C8orf33: variants seen among roughly 807,000 people sequenced by gnomAD.
C8orf33 encodes chromosome 8 open reading frame 33.
C8orf33 carries 28 observed loss-of-function variants against 25.7 expected under a neutral mutation model. The observed-to-expected ratio is 1.09, with a 90% CI of 0.81 to 1.49. The LOEUF (loss-of-function observed/expected upper bound fraction) is 1.49, where lower values mean the gene tolerates loss of function less well. Among genes scored for constraint, C8orf33 ranks in the 40% most tolerant of loss-of-function variants. The pLI is 0.00. For synonymous variants in C8orf33, 153 were observed against 115.9 expected, an observed-to-expected ratio of 1.32 and a Z score of -2.06; for missense variants, 369 against 294.4, an observed-to-expected ratio of 1.25 and a Z score of -1.85.
In C8orf33 at chr8:145,054,340, C is replaced by T. The variant is rs572395414; in HGVS notation, c.*183C>T. On this transcript the variant is annotated 3_prime_UTR_variant, in exon 5 of 5. Coordinates refer to ENST00000331434, the MANE Select transcript of C8orf33 (RefSeq NM_023080.3). ...CATCAGATAGGCAAAAGACCCCGTT[C>T]GTTTTCTGATGAAATGTTCTCTCTT... The T allele has an allele frequency of 5.5e-5, 30 of 543,666 alleles. No individual in the cohort carries two copies. The highest frequency in any genetic ancestry group is 7.6e-5 in the African/African-American group (4 of 52,372). The allele number at this position is 543,666 out of a possible 1,614,324, so 33.7% of individuals were successfully genotyped here.
At position 145,052,811 on chromosome 8, in the gene C8orf33, C is replaced by T. The variant is rs149835506; in HGVS notation, c.232C>T (p.Arg78Trp). ...AAAACAAAAGAATAAGAAGAAAACG[C>T]GGAACAGGGCCTCTGTGGCAAATGG... The part of the protein sequence containing the change: ...SKKQKNKKKT[R>W]NRASVANGGE... Residue 78 changes from arginine to tryptophan, a missense_variant, in exon 2 of 5, where the codon CGG becomes TGG. Arg to Trp is a moderately radical substitution (Grantham distance 101). Transcript: ENST00000331434. 3.2e-4 allele frequency: 512 copies of T among 1,613,908 alleles called. 1 individual carries two copies. Among genetic ancestry groups the T allele is most frequent in the Non-Finnish European group, 4.1e-4 (479 of 1,180,032 alleles).
Position 145,055,506 on chromosome 8 carries a change from A to G in C8orf33, c.*1349A>G, listed in dbSNP as rs78900074. On this transcript the variant is annotated 3_prime_UTR_variant, in exon 5 of 5. Coordinates refer to ENST00000331434, the MANE Select transcript of C8orf33 (RefSeq NM_023080.3). ...AAGTGGACCATGGTCTAGCAGTAGC[A>G]TCAGTGTCAAGGAAAAACACCCACT... 105 of 169,900 alleles carry G rather than the reference A, an allele frequency of 6.2e-4. 1 individual carries two copies. The East Asian group carries it at 9.1e-3, about 15-fold the overall frequency. The allele number at this position is 169,900 out of a possible 1,614,324, so 10.5% of individuals were successfully genotyped here.
rs896556933 is a variant in C8orf33, at chr8:145,053,091, G to T, written c.348G>T (p.Trp116Cys). 2 of 1,614,070 alleles carry T rather than the reference G, an allele frequency of 1.2e-6. No homozygotes were observed. The highest frequency in any genetic ancestry group is 2.7e-5 in the African/African-American group (2 of 74,920). ...QAQQLAQELA[W>C]CVEQLELGLK... is the part of the protein sequence containing the mutation. ...AACAGTTGGCCCAGGAATTGGCTTGGTGTGTGGAGCAACTGGAGCTGGGCC... is the reference window on the plus strand; with the variant it reads ...AACAGTTGGCCCAGGAATTGGCTTGTTGTGTGGAGCAACTGGAGCTGGGCC... The change falls in exon 3 of 5, where the codon TGG (tryptophan) becomes TGT (cysteine). Residue 116 changes from tryptophan to cysteine, a missense_variant. Physicochemically the swap from Trp to Cys is radical, Grantham distance 215. Transcript: ENST00000331434.
chr8:145,054,369 G>T lies in C8orf33; in HGVS notation c.*212G>T, dbSNP rs1835326266. On this transcript the variant is annotated 3_prime_UTR_variant, in exon 5 of 5. Coordinates refer to ENST00000331434, the MANE Select transcript of C8orf33 (RefSeq NM_023080.3). ...TTCTGATGAAATGTTCTCTCTTTCA[G>T]AAGAGAGAGAGAGGTGCATTTAGAA... The T allele has an allele frequency of 6.0e-6, 3 of 503,198 alleles. No individual in the cohort carries two copies. The highest frequency in any genetic ancestry group is 7.3e-5 in the Admixed American group (2 of 27,236). The allele number at this position is 503,198 out of a possible 1,614,324, so 31.2% of individuals were successfully genotyped here.
Position 145,053,376 on chromosome 8 carries a change from C to G in C8orf33, c.483C>G (p.Ser161=), listed in dbSNP as rs1835308510. The G allele has an allele frequency of 4.3e-6, 7 of 1,614,212 alleles. No individual in the cohort carries two copies. The highest frequency in any genetic ancestry group is 5.9e-6 in the Non-Finnish European group (7 of 1,180,010). The change falls in exon 4 of 5, where the codon TCC becomes TCG. Residue 161 remains serine (S), a synonymous_variant. Coordinates refer to ENST00000331434, the MANE Select transcript of C8orf33 (RefSeq NM_023080.3). The stretch of plus-strand genomic sequence containing the variant: ...CCCGGAAGAGGCAGCTGATGCACTC[C>G]TTGTTTGGAGACTATAGGGCTCAGA... ...PLPRKRQLMH[S]LFGDYRAQME...
intron 4 of C8orf33, chr8:145,053,658 G>A: frequency 1.6e-6 from 1 of 609,792 alleles, no homozygotes; most frequent in East Asian, 2.8e-5. Flanking sequence ...GGGAGGAGTG[G>A]GAAAGAGCAT....
chr8:145,055,976 TG>T lies in C8orf33; in HGVS notation c.*1821del. The T allele has an allele frequency of 4.4e-6, 1 of 226,948 alleles. No individual in the cohort carries two copies. Among genetic ancestry groups the T allele is most frequent in the Non-Finnish European group, 8.6e-6 (1 of 116,820 alleles). 14.1% of individuals were successfully genotyped at this position (226,948 alleles called of 1,614,324 possible). ...GCAGCCTGGCATTTGGGGCCACTAC[TG>T]GTCTCCGCGTCTTGGTGGTAGTGGT... On this transcript the variant is annotated 3_prime_UTR_variant, in exon 5 of 5. Transcript: ENST00000331434.
Position 145,054,299 on chromosome 8 carries a change from T to A in C8orf33, c.*142T>A. The A allele has an allele frequency of 1.1e-6, 1 of 910,630 alleles. No individual in the cohort carries two copies. The highest frequency in any genetic ancestry group is 1.6e-6 in the Non-Finnish European group (1 of 607,046). 56.4% of individuals were successfully genotyped at this position (910,630 alleles called of 1,614,324 possible). A position where few individuals can be genotyped will look rare whatever the true frequency, so the allele number is the denominator to read the frequency against. Reference sequence around the variant, plus strand: ...GGCTGGTCCAAGGATTTGTAGCTGTTGTGAAGGTGTGAGACCATCAGATAG... The same window carrying A: ...GGCTGGTCCAAGGATTTGTAGCTGTAGTGAAGGTGTGAGACCATCAGATAG... On this transcript the variant is annotated 3_prime_UTR_variant, in exon 5 of 5. Coordinates refer to ENST00000331434, the MANE Select transcript of C8orf33 (RefSeq NM_023080.3).
In C8orf33 at chr8:145,055,519, A is replaced by G. The variant is rs552518488; in HGVS notation, c.*1362A>G. 35 of 173,266 alleles carry G rather than the reference A, an allele frequency of 2.0e-4. No individual in the cohort carries two copies. In the East Asian group the frequency reaches 3.4e-3, roughly 17 times the overall value. The allele number at this position is 173,266 out of a possible 1,614,324, so 10.7% of individuals were successfully genotyped here. On this transcript the variant is annotated 3_prime_UTR_variant, in exon 5 of 5. Transcript: ENST00000331434. ...TCTAGCAGTAGCATCAGTGTCAAGG[A>G]AAAACACCCACTACTTAGCAGACTG...
At chr8:145,052,547 C>CGGCTCTCGGT in intron 1 of C8orf33, 39 bp from the exon 2 acceptor site, 2 of 1,600,568 alleles carry the variant, frequency 1.2e-6, no homozygotes, top group Non-Finnish European at 1.7e-6. Flanking sequence ...GCATTGTTGG[C>CGGCTCTCGGT]GGCTCTCGGT....
intron 3 of C8orf33, 51 bp downstream of exon 3, chr8:145,053,197 G>A: frequency 6.2e-7 from 1 of 1,612,704 alleles, no homozygotes; most frequent in Non-Finnish European, 8.5e-7. Context: ...GCACTGCCTG[G>A]CCTGCAGGTG....
chr8:145,055,487 A>G lies in C8orf33; in HGVS notation c.*1330A>G. ...TGGGAAGATGCCTGTTGCAAAGTGGACCATGGTCTAGCAGTAGCATCAGTG... is the reference window on the plus strand; with the variant it reads ...TGGGAAGATGCCTGTTGCAAAGTGGGCCATGGTCTAGCAGTAGCATCAGTG... On this transcript the variant is annotated 3_prime_UTR_variant, in exon 5 of 5. Transcript: ENST00000331434. 1 of 163,718 alleles carries G rather than the reference A, an allele frequency of 6.1e-6. No homozygotes were observed. Among genetic ancestry groups the G allele is most frequent in the Non-Finnish European group, 1.3e-5 (1 of 76,086 alleles). The allele number at this position is 163,718 out of a possible 1,614,324, so 10.1% of individuals were successfully genotyped here.
rs763083272 is a variant in C8orf33 at position 145,053,433 on chromosome 8, T to G, written c.540T>G (p.Ala180=). Residue 180 remains alanine, a synonymous_variant, in exon 4 of 5, where the codon GCT becomes GCG. Transcript: ENST00000331434. ...MEAEWREALR[A]LRAAAYSAQV... The stretch of plus-strand genomic sequence containing the variant: ...CCGAATGGCGTGAGGCCCTGCGGGC[T>G]CTCAGAGCTGGTGAGGAGCTAGCCA... The G allele has an allele frequency of 6.2e-7, 1 of 1,614,122 alleles. No homozygotes were observed. Among genetic ancestry groups the G allele is most frequent in the South Asian group, 1.1e-5 (1 of 91,070 alleles).
In C8orf33 at chr8:145,054,042, C is replaced by G; in HGVS notation, c.575C>G (p.Pro192Arg). 1.2e-6 allele frequency: 2 copies of G among 1,614,150 alleles called. No homozygotes were observed. Among genetic ancestry groups the G allele is most frequent in the Non-Finnish European group, 1.7e-6 (2 of 1,180,026 alleles). The change falls in exon 5 of 5, where the codon CCT (proline) becomes CGT (arginine). Residue 192 changes from proline to arginine, a missense_variant. By Grantham distance (103) the Pro-to-Arg change is moderately radical. Transcript: ENST00000331434. ...RAAAYSAQVQ[P>R]VDGATRKKSQ... Reference sequence around the variant, plus strand: ...GCTGCTTATTCAGCCCAGGTGCAACCTGTAGATGGAGCCACCAGAAAGAAG... The same window carrying G: ...GCTGCTTATTCAGCCCAGGTGCAACGTGTAGATGGAGCCACCAGAAAGAAG...
rs749885485 is a variant in C8orf33 at position 145,053,395 on chromosome 8, G to A, written c.502G>A (p.Ala168Thr). Residue 168 changes from alanine to threonine, a missense_variant, in exon 4 of 5, where the codon GCT becomes ACT. Ala to Thr is a moderately conservative substitution (Grantham distance 58). Coordinates refer to ENST00000331434, the MANE Select transcript of C8orf33 (RefSeq NM_023080.3). ...GCACTCCTTGTTTGGAGACTATAGG[G>A]CTCAGATGGAAGCCGAATGGCGTGA... is the stretch of plus-strand genomic sequence containing the variant. ...LMHSLFGDYRAQMEAEWREAL... is the reference protein window; with the variant it reads ...LMHSLFGDYRTQMEAEWREAL... The A allele has an allele frequency of 1.2e-6, 2 of 1,614,236 alleles. No individual in the cohort carries two copies. Among genetic ancestry groups the A allele is most frequent in the South Asian group, 2.2e-5 (2 of 91,088 alleles).
rs1835291137 is a variant in C8orf33, at chr8:145,052,634, A to G, written c.55A>G (p.Thr19Ala). The G allele has an allele frequency of 6.2e-7, 1 of 1,609,816 alleles. No individual in the cohort carries two copies. Among genetic ancestry groups the G allele is most frequent in the South Asian group, 1.1e-5 (1 of 90,988 alleles). Reference protein sequence around the residue: ...GEAAAAPGPGTPCASRGARLP... With the variant: ...GEAAAAPGPGAPCASRGARLP... ...GGCAGCGGCGGCCCCAGGCCCGGGTACTCCCTGCGCGTCCCGCGGAGCCCG... is the reference window on the plus strand; with the variant it reads ...GGCAGCGGCGGCCCCAGGCCCGGGTGCTCCCTGCGCGTCCCGCGGAGCCCG... The change falls in exon 2 of 5, where the codon ACT (threonine) becomes GCT (alanine). Residue 19 changes from threonine (T) to alanine (A), a missense_variant. By Grantham distance (58) the Thr-to-Ala change is moderately conservative. Coordinates refer to ENST00000331434, the MANE Select transcript of C8orf33 (RefSeq NM_023080.3).
chr8:145,052,897 G>A lies in C8orf33; in HGVS notation c.318G>A (p.Gln106=). 6.2e-7 allele frequency: 1 copy of A among 1,610,576 alleles called. No individual in the cohort carries two copies. The highest frequency in any genetic ancestry group is 8.5e-7 in the Non-Finnish European group (1 of 1,178,362). ...PEEVPLSAEA[Q]AQQLAQELAW... is the part of the protein sequence containing the mutation. Reference sequence around the variant, plus strand: ...AAGTTCCCCTAAGCGCTGAGGCCCAGGCAAGGGCGGGCTTCGGTCGGGAAG... The same window carrying A: ...AAGTTCCCCTAAGCGCTGAGGCCCAAGCAAGGGCGGGCTTCGGTCGGGAAG... Residue 106 remains glutamine, a splice_region_variant and synonymous_variant, in exon 2 of 5, where the codon CAG becomes CAA. Coordinates refer to ENST00000331434, the MANE Select transcript of C8orf33 (RefSeq NM_023080.3).
In C8orf33 at chr8:145,054,923, C is replaced by G. The variant is rs1227947828; in HGVS notation, c.*766C>G. The G allele has an allele frequency of 6.6e-6, 1 of 152,190 alleles. No individual in the cohort carries two copies. The highest frequency in any genetic ancestry group is 1.5e-5 in the Non-Finnish European group (1 of 68,038). The allele number at this position is 152,190 out of a possible 1,614,324, so 9.4% of individuals were successfully genotyped here. On this transcript the variant is annotated 3_prime_UTR_variant, in exon 5 of 5. Coordinates refer to ENST00000331434, the MANE Select transcript of C8orf33 (RefSeq NM_023080.3). ...ATGGAATTGGGAATCTCCAGGTGAC[C>G]TAATCCTCATTGGTGGCTTGATGTT...
rs1246927499 is a variant in C8orf33, at chr8:145,054,715, C to T, written c.*558C>T. On this transcript the variant is annotated 3_prime_UTR_variant, in exon 5 of 5. Coordinates refer to ENST00000331434, the MANE Select transcript of C8orf33 (RefSeq NM_023080.3). ...CAGTCCCTCACCTGGTACCTTTGTG[C>T]ATGTTGCCTTCATTCCTGAGCAGGT... The T allele has an allele frequency of 6.6e-6, 1 of 152,642 alleles. No homozygotes were observed. Among genetic ancestry groups the T allele is most frequent in the East Asian group, 1.9e-4 (1 of 5,200 alleles). 9.5% of individuals were successfully genotyped at this position (152,642 alleles called of 1,614,324 possible). A position where few individuals can be genotyped will look rare whatever the true frequency, so the allele number is the denominator to read the frequency against.
Sources: allele counts gnomAD v4.1 joint callset, GRCh38; gene constraint gnomAD v4.1.1; transcripts MANE v1.5; gene names NCBI Gene and HGNC (gene_info 2026-07-23, HGNC 2026-07-21).